ABCA13: variants seen among roughly 807,000 people sequenced by gnomAD.
ABCA13 encodes the protein ATP binding cassette subfamily A member 13, also known as ATP-binding cassette sub-family A member 13.
In ABCA13, 476 loss-of-function variants were observed where a neutral mutation model predicts 478.7. The ratio of observed to expected loss-of-function variants is 0.99; its 90% confidence interval spans 0.92 to 1.07. The LOEUF (loss-of-function observed/expected upper bound fraction) is 1.07. ABCA13 is among the 50% of genes least tolerant of loss of function. ABCA13 has a pLI of 0.00. For synonymous variants in ABCA13, 2,252 were observed against 2,158.9 expected (o/e 1.04, Z -1.20); for missense variants, 6,060 against 5,910.6 (o/e 1.03, Z -0.83).
chr7:48,203,312 G>C (rs962010046), intron 3 of ABCA13, among the ~76,000 whole-genome samples: 2 of 152,204 alleles, frequency 1.3e-5, no homozygotes, highest in African/African-American at 4.8e-5. Context: ...ACACCTCCCC[G>C]CAAGCTGAAG....
intron 51 of ABCA13, 29 bp downstream of exon 51, chr7:48,511,228 T>G (rs1448746804): frequency 4.2e-5 from 66 of 1,562,802 alleles, no homozygotes; most frequent in Non-Finnish European, 5.5e-5. Flanking sequence ...TGCTGCAGAA[T>G]TACGGTTTGT....
chr7:48,403,715 A>G lies in ABCA13; in HGVS notation c.11906A>G (p.Gln3969Arg), dbSNP rs531100787. 3 of 1,614,040 alleles carry G rather than the reference A, an allele frequency of 1.9e-6. No individual in the cohort carries two copies. Among genetic ancestry groups the G allele is most frequent in the African/African-American group, 2.7e-5 (2 of 75,064 alleles). ...TLQDVDLTQH[Q>R]HKQTRALSGG... The stretch of plus-strand genomic sequence containing the variant: ...CAGGATGTGGACTTAACTCAGCATC[A>G]GCACAAACAGACCCGAGCTCTGTCT... Residue 3969 changes from glutamine (Q) to arginine (R), a missense_variant, in exon 39 of 62, where the codon CAG (glutamine) becomes CGG (arginine). By Grantham distance (43) the Gln-to-Arg change is conservative (BLOSUM62 1). This residue lies in a region of ABCA13 where 1,627 missense variants were observed against 1,571.0 expected (regional missense o/e 1.04). Coordinates refer to ENST00000435803, the MANE Select transcript of ABCA13 (RefSeq NM_152701.5).
chr7:48,478,106 GATTT>G (rs952273791), intron 45 of ABCA13, among the ~76,000 whole-genome samples: 1 of 150,522 alleles, frequency 6.6e-6, no homozygotes, highest in African/African-American at 2.4e-5. Flanking sequence ...AAGGTTGGCT[GATTT>G]ATTTATTTAT....
intron 1 of ABCA13, among the ~76,000 whole-genome samples, chr7:48,191,547 G>A (rs1797109671): frequency 6.6e-6 from 1 of 152,182 alleles, no homozygotes; most frequent in African/African-American, 2.4e-5. Context: ...GGAATTACAG[G>A]TGTGTGCCAC....
rs563047482 is a variant in ABCA13, at chr7:48,276,247, A to T, written c.6581A>T (p.Gln2194Leu). ...CTTACCCATCTGCTAAATCAAGAACAGCTGACTAATTTCTCAGTTGTTCAG... is the reference window on the plus strand; with the variant it reads ...CTTACCCATCTGCTAAATCAAGAACTGCTGACTAATTTCTCAGTTGTTCAG... Reference protein sequence around the residue: ...AFLTHLLNQEQLTNFSVVQLL... With the variant: ...AFLTHLLNQELLTNFSVVQLL... Residue 2194 changes from glutamine (Q) to leucine (L), a missense_variant, in exon 17 of 62, where the codon CAG becomes CTG. Physicochemically the swap from Gln to Leu is moderately radical, Grantham distance 113. Transcript: ENST00000435803. The T allele has an allele frequency of 3.2e-6, 5 of 1,573,622 alleles. No homozygotes were observed. In the African/African-American group the frequency reaches 5.4e-5, roughly 17 times the overall value.
intron 15 of ABCA13, among the ~76,000 whole-genome samples, chr7:48,253,380 C>A (rs1214173373): frequency 1.3e-5 from 2 of 152,202 alleles, no homozygotes; most frequent in African/African-American, 4.8e-5. Context: ...GAGGGAGGAA[C>A]TTGAAATTGA....
At chr7:48,291,042 T>C (rs1417136733) in intron 20 of ABCA13, among the ~76,000 whole-genome samples, 1 of 151,788 alleles carries the variant, frequency 6.6e-6, no homozygotes, top group Non-Finnish European at 1.5e-5. Flanking sequence ...TGCATGTAGC[T>C]TGGAGTCTTG....
At chr7:48,596,499 A>T (rs1056406890) in intron 58 of ABCA13, among the ~76,000 whole-genome samples, 2 of 152,222 alleles carry the variant, frequency 1.3e-5, no homozygotes, top group South Asian at 4.1e-4. Flanking sequence ...AAATTTTCTC[A>T]TGCTTACTTT....
intron 42 of ABCA13, among the ~76,000 whole-genome samples, chr7:48,438,083 G>A (rs1213809779): frequency 6.6e-6 from 1 of 152,034 alleles, no homozygotes; most frequent in Non-Finnish European, 1.5e-5. Flanking sequence ...TCTAAACTAT[G>A]CTCTTATTCT....
rs55788441 is a variant in ABCA13 at position 48,449,437 on chromosome 7, C to T, written c.12566-5600C>T. On this transcript the variant is annotated intron_variant, in intron 42 of 61. Transcript: ENST00000435803. ...AGTAATGGTTTGGATAAATATCATA[C>T]AGCTTTATATATACCAGAACAAAGA... Among the ~76,000 whole-genome samples, 679 of 152,220 alleles carry T rather than the reference C, an allele frequency of 4.5e-3. 5 individuals carry two copies. Among genetic ancestry groups the T allele is most frequent in the African/African-American group, 0.015 (642 of 41,536 alleles).
intron 58 of ABCA13, among the ~76,000 whole-genome samples, chr7:48,598,460 G>A (rs181172025): frequency 3.9e-5 from 6 of 152,294 alleles, no homozygotes; most frequent in Non-Finnish European, 8.8e-5. Context: ...TGTGATTGCT[G>A]GATCGGATGG....
intron 15 of ABCA13, among the ~76,000 whole-genome samples, chr7:48,255,209 TG>T (rs1375889273): frequency 6.6e-6 from 1 of 152,188 alleles, no homozygotes; most frequent in East Asian, 1.9e-4. Context: ...AGTTCAGCCT[TG>T]AGAAGCTTTC....
At chr7:48,521,594 C>T (rs893991142) in intron 53 of ABCA13, among the ~76,000 whole-genome samples, 8 of 152,034 alleles carry the variant, frequency 5.3e-5, no homozygotes, top group African/African-American at 1.9e-4. Flanking sequence ...CTCTGATGTC[C>T]CTTACTAGTT....
intron 38 of ABCA13, among the ~76,000 whole-genome samples, chr7:48,400,265 T>G (rs1289749911): frequency 6.6e-6 from 1 of 152,236 alleles, no homozygotes; most frequent in East Asian, 1.9e-4. Flanking sequence ...TAAGATTTGA[T>G]TTATTTCTCT....
rs1324524458 is a variant in ABCA13 at position 48,279,433 on chromosome 7, T to C, written c.8239T>C (p.Trp2747Arg). 1.9e-6 allele frequency: 3 copies of C among 1,605,882 alleles called. No individual in the cohort carries two copies. Among genetic ancestry groups the C allele is most frequent in the Admixed American group, 3.4e-5 (2 of 58,926 alleles). ...MVICLTLEALWKNLKKDNWNV... is the reference protein window; with the variant it reads ...MVICLTLEALRKNLKKDNWNV... ...GATCTGTCTCACCTTAGAAGCTCTT[T>C]GGAAAAACTTAAAGAAAGATAATTG... Residue 2747 changes from tryptophan (W) to arginine (R), a missense_variant, in exon 18 of 62, where the codon TGG becomes CGG. This residue lies in a region of ABCA13 where 4,423 missense variants were observed against 4,309.1 expected (regional missense o/e 1.03). Coordinates refer to ENST00000435803, the MANE Select transcript of ABCA13 (RefSeq NM_152701.5).
intron 3 of ABCA13, among the ~76,000 whole-genome samples, chr7:48,203,777 C>T (rs1784538064): frequency 2.0e-5 from 3 of 152,212 alleles, no homozygotes; most frequent in Admixed American, 6.5e-5. Flanking sequence ...GTCTGACAAC[C>T]TTCGGGAGGC....
chr7:48,240,629 A>G (rs1279222810), intron 9 of ABCA13, among the ~76,000 whole-genome samples: 2 of 152,172 alleles, frequency 1.3e-5, no homozygotes, highest in Non-Finnish European at 2.9e-5. Flanking sequence ...TTTTGGGGGA[A>G]AAAAGAGAAA....
At chr7:48,334,812 C>G (rs965424492) in intron 27 of ABCA13, among the ~76,000 whole-genome samples, 1 of 152,114 alleles carries the variant, frequency 6.6e-6, no homozygotes, top group Non-Finnish European at 1.5e-5. Context: ...AGACTATTTT[C>G]AGTATTAAAT....
Position 48,272,102 on chromosome 7 carries a change from A to G in ABCA13, c.2436A>G (p.Ile812Met). ...WKMQTLGSHWIRKEPKNLLRF... is the reference protein window; with the variant it reads ...WKMQTLGSHWMRKEPKNLLRF... ...TGCAGACTCTCGGAAGTCACTGGATAAGGAAGGAACCAAAAAATCTTTTGA... is the reference window on the plus strand; with the variant it reads ...TGCAGACTCTCGGAAGTCACTGGATGAGGAAGGAACCAAAAAATCTTTTGA... The change falls in exon 17 of 62, where the codon ATA becomes ATG. Residue 812 changes from isoleucine (I) to methionine (M), a missense_variant. Ile to Met is a conservative substitution (Grantham distance 10, BLOSUM62 1). Transcript: ENST00000435803. 6.2e-7 allele frequency: 1 copy of G among 1,613,758 alleles called. No homozygotes were observed. The highest frequency in any genetic ancestry group is 1.1e-5 in the South Asian group (1 of 91,076).
Sources: gnomAD v4.1 joint callset for allele counts (sites outside exome capture counted in the v4.1 genomes callset) on GRCh38, gnomAD v4.1.1 for gene constraint, gnomAD v4.1.1 regional missense constraint, MANE v1.5 for transcripts, NCBI Gene and HGNC (gene_info 2026-07-23, HGNC 2026-07-21) for gene names.